TMEFF2: variants seen among roughly 807,000 people sequenced by gnomAD.
TMEFF2 encodes tomoregulin-2.
TMEFF2 carries 28 observed loss-of-function variants against 53.8 expected under a neutral mutation model. The observed-to-expected ratio is 0.52, with a 90% confidence interval of 0.39 to 0.71. TMEFF2 has a LOEUF of 0.71. TMEFF2 is among the 30% of genes least tolerant of loss of function. The probability of loss-of-function intolerance (pLI) is 0.00; values close to 1 mark genes in which losing one functional copy is unlikely to be tolerated. For missense variants in TMEFF2, 353 were observed against 455.2 expected (o/e 0.78, Z 2.04); for synonymous variants, 162 against 166.3 (o/e 0.97, Z 0.20).
At chr2:192,018,148 G>T (rs1416382371) in intron 5 of TMEFF2, among the ~76,000 whole-genome samples, 1 of 152,160 alleles carries the variant, frequency 6.6e-6, no homozygotes, top group African/African-American at 2.4e-5. Context: ...ACTGGAGTCT[G>T]TAAGAATGCA....
chr2:192,179,139 C>T (rs1318333458), intron 4 of TMEFF2: 4 of 151,058 alleles, frequency 2.6e-5, no homozygotes, highest in Non-Finnish European at 5.9e-5. Context: ...ATCAAGGAAG[C>T]AAAGATAATA....
intron 5 of TMEFF2, chr2:192,028,894 T>G (rs1191931825): frequency 6.6e-6 from 1 of 152,164 alleles, no homozygotes. Flanking sequence ...TTAACCTTTC[T>G]CTACTCAGAA....
chr2:192,177,129 C>T (rs538161068), intron 4 of TMEFF2: 6 of 151,178 alleles, frequency 4.0e-5, no homozygotes, highest in Non-Finnish European at 8.9e-5. Flanking sequence ...TCACTAGTTA[C>T]AATTGTTGGA....
chr2:191,963,573 T>C lies in TMEFF2; in HGVS notation c.746-7195A>G, dbSNP rs570966025. Among the ~76,000 whole-genome samples, 5 of 152,150 alleles carry C rather than the reference T, an allele frequency of 3.3e-5. No individual in the cohort carries two copies. In the South Asian group the frequency reaches 1.0e-3, roughly 32 times the overall value. ...CCTGAAGTGACTAACTGGCAGAGAGTGAAGAGGATTGAGGCTAGAGCATTT... is the reference window on the plus strand; with the variant it reads ...CCTGAAGTGACTAACTGGCAGAGAGCGAAGAGGATTGAGGCTAGAGCATTT... On this transcript the variant is annotated intron_variant, in intron 7 of 9. Coordinates refer to ENST00000272771, the MANE Select transcript of TMEFF2 (RefSeq NM_016192.4).
At chr2:192,141,573 GT>G (rs1395350684) in intron 4 of TMEFF2, among the ~76,000 whole-genome samples, 3 of 151,128 alleles carry the variant, frequency 2.0e-5, no homozygotes, top group Non-Finnish European at 2.9e-5. Flanking sequence ...TGGGAACATT[GT>G]TAACAAAGCT....
chr2:192,162,250 C>T (rs973247578), intron 4 of TMEFF2, among the ~76,000 whole-genome samples: 6 of 152,142 alleles, frequency 3.9e-5, no homozygotes, highest in African/African-American at 1.4e-4. Context: ...AAATTACAGC[C>T]ATGAAACAAA....
In TMEFF2 at chr2:192,194,447, G is replaced by C; in HGVS notation, c.78C>G (p.Pro26=). The C allele has an allele frequency of 6.2e-7, 1 of 1,614,074 alleles. No homozygotes were observed. Among genetic ancestry groups the C allele is most frequent in the Non-Finnish European group, 8.5e-7 (1 of 1,180,006 alleles). ...GGCGGGCTACGATGAGTAGCATGAC[G>C]GGCAGCAGCAGCAGCCAGCAAAAGC... ...CEGFCWLLLL[P]VMLLIVARPV... is the part of the protein sequence containing the mutation. The change falls in exon 1 of 10, where the codon CCC becomes CCG. Residue 26 remains proline (P), a synonymous_variant. Coordinates refer to ENST00000272771, the MANE Select transcript of TMEFF2 (RefSeq NM_016192.4). This position sits in a 1 kb window ranked among gnomAD's most constrained non-coding sequence, Gnocchi z 4.2.
chr2:192,190,535 C>T (rs535953056), intron 2 of TMEFF2, among the ~76,000 whole-genome samples: 1 of 152,188 alleles, frequency 6.6e-6, no homozygotes, highest in East Asian at 1.9e-4. Context: ...GGCTGCAGAC[C>T]TTAGAAGTTG....
intron 5 of TMEFF2, among the ~76,000 whole-genome samples, chr2:192,034,514 T>C (rs1687234769): frequency 6.6e-6 from 1 of 152,232 alleles, no homozygotes; most frequent in Admixed American, 6.5e-5. Flanking sequence ...TCTACATTGG[T>C]AGGTCCTATA....
chr2:191,986,171 A>G (rs1288317312), intron 7 of TMEFF2, among the ~76,000 whole-genome samples: 1 of 152,246 alleles, frequency 6.6e-6, no homozygotes, highest in Non-Finnish European at 1.5e-5. Flanking sequence ...ACAAAAATGT[A>G]TAAAGAGGAA....
chr2:192,168,796 T>G (rs960993834), intron 4 of TMEFF2, among the ~76,000 whole-genome samples: 4 of 152,094 alleles, frequency 2.6e-5, no homozygotes, highest in Non-Finnish European at 2.9e-5. Flanking sequence ...GTGGAAACAT[T>G]TAGAAATTTA....
chr2:191,982,630 T>G (rs1559071376), intron 7 of TMEFF2, among the ~76,000 whole-genome samples: 1 of 152,158 alleles, frequency 6.6e-6, no homozygotes, highest in South Asian at 2.1e-4. Flanking sequence ...CTAGCTAGTT[T>G]TAGAAGTTAT....
At chr2:192,154,809 G>C (rs1214976193) in intron 4 of TMEFF2, among the ~76,000 whole-genome samples, 4 of 151,796 alleles carry the variant, frequency 2.6e-5, no homozygotes, top group African/African-American at 9.7e-5. Context: ...CCATCTTCAT[G>C]CAGCTGATTT....
chr2:192,141,922 T>C (rs1454123341), intron 4 of TMEFF2, among the ~76,000 whole-genome samples: 1 of 152,164 alleles, frequency 6.6e-6, no homozygotes, highest in Non-Finnish European at 1.5e-5. Flanking sequence ...CCTAGGCTTA[T>C]ATGGGAAAAT....
chr2:191,982,909 C>T (rs1685887569), intron 7 of TMEFF2, among the ~76,000 whole-genome samples: 1 of 152,132 alleles, frequency 6.6e-6, no homozygotes, highest in African/African-American at 2.4e-5. Flanking sequence ...TAATAAAAGT[C>T]ATTAGAAACA....
At chr2:191,995,044 G>T (rs1686190823) in intron 7 of TMEFF2, among the ~76,000 whole-genome samples, 1 of 151,938 alleles carries the variant, frequency 6.6e-6, no homozygotes, top group Non-Finnish European at 1.5e-5. Flanking sequence ...GAGGATCATG[G>T]AATTCACATC....
chr2:192,037,277 GAAAGAAA>G lies in TMEFF2; in HGVS notation c.536+20395_536+20401del, dbSNP rs1559096310. Reference sequence around the variant, plus strand: ...CACTTCTAAGACTAGCCAAAATAAAGAAAGAAAGAAAGAAAGAAAGAAAGAAAGAAAG... The same window carrying G: ...CACTTCTAAGACTAGCCAAAATAAAGGAAAGAAAGAAAGAAAGAAAGAAAG... On this transcript the variant is annotated intron_variant, in intron 5 of 9. Coordinates refer to ENST00000272771, the MANE Select transcript of TMEFF2 (RefSeq NM_016192.4). Among the ~76,000 whole-genome samples, 13 of 95,794 alleles carry G rather than the reference GAAAGAAA, an allele frequency of 1.4e-4. 1 individual carries two copies. The highest frequency in any genetic ancestry group is 2.2e-4 in the Non-Finnish European group (11 of 49,210). The allele number at this position is 95,794 out of a possible 152,430, so 62.8% of individuals were successfully genotyped here. A position where few individuals can be genotyped will look rare whatever the true frequency, so the allele number is the denominator to read the frequency against.
chr2:191,996,425 G>T (rs1686222007), intron 7 of TMEFF2, among the ~76,000 whole-genome samples: 1 of 151,822 alleles, frequency 6.6e-6, no homozygotes, highest in Non-Finnish European at 1.5e-5. Flanking sequence ...TATTTTAATT[G>T]CAGTTAGTAG....
chr2:192,175,310 T>C (rs935150150), intron 4 of TMEFF2, among the ~76,000 whole-genome samples: 1 of 151,446 alleles, frequency 6.6e-6, no homozygotes, highest in African/African-American at 2.4e-5. Flanking sequence ...TAATCAGAAA[T>C]AGCAGCCCAA....
Sources: gnomAD v4.1 joint callset for allele counts (sites outside exome capture counted in the v4.1 genomes callset) on GRCh38, gnomAD v4.1.1 for gene constraint, Gnocchi (gnomAD v3.1) non-coding constraint, MANE v1.5 for transcripts, NCBI Gene and HGNC (gene_info 2026-07-23, HGNC 2026-07-21) for gene names.